The following GRID1 variants were observed in gnomAD, a reference collection of about 807,000 sequenced individuals.
GRID1 encodes the protein glutamate ionotropic receptor delta type subunit 1.
In GRID1, 28 loss-of-function variants were observed where a neutral mutation model predicts 98.0. The ratio of observed to expected loss-of-function variants is 0.29; its 90% CI spans 0.21 to 0.39. The LOEUF (loss-of-function observed/expected upper bound fraction) is 0.39. Ranked by LOEUF, GRID1 falls within the 10% of genes least tolerant of loss-of-function variation. The pLI is 1.00. For synonymous variants in GRID1, 553 were observed against 538.5 expected, an observed-to-expected ratio of 1.03 and a Z score of -0.37; for missense variants, 1,111 against 1,340.5, an observed-to-expected ratio of 0.83 and a Z score of 2.67.
intron 3 of GRID1, among the ~76,000 whole-genome samples, chr10:86,145,545 C>A (rs1038985061): frequency 6.7e-6 from 1 of 148,266 alleles, no homozygotes; most frequent in Non-Finnish European, 1.5e-5. Flanking sequence ...ACATCCTCCA[C>A]ATACACACAC....
chr10:86,124,911 G>A (rs1055001442), intron 4 of GRID1, among the ~76,000 whole-genome samples: 3 of 152,216 alleles, frequency 2.0e-5, no homozygotes, highest in Non-Finnish European at 4.4e-5. Context: ...GGGGAACTGG[G>A]CAGTTCCCTC....
intron 12 of GRID1, among the ~76,000 whole-genome samples, chr10:85,652,615 T>C (rs988064626): frequency 8.5e-5 from 13 of 152,172 alleles, no homozygotes; most frequent in African/African-American, 3.1e-4. Context: ...ATTTTCTATC[T>C]CATGTTTGGC....
At chr10:85,987,286 C>T (rs1008307900) in intron 4 of GRID1, among the ~76,000 whole-genome samples, 3 of 150,738 alleles carry the variant, frequency 2.0e-5, no homozygotes, top group African/African-American at 7.3e-5. Context: ...TCACAAGAGG[C>T]CTTACCTCCC....
rs912021708 is a variant in GRID1 at position 85,791,326 on chromosome 10, C to T, written c.1234-61712G>A. On this transcript the variant is annotated intron_variant, in intron 8 of 15. Transcript: ENST00000327946. ...AGGACCTGAAGGCAGAGGCCAAAAC[C>T]CTGACTGGCGCAATGCAGATCTTAG... Among the ~76,000 whole-genome samples, 71 of 152,352 alleles carry T rather than the reference C, an allele frequency of 4.7e-4. 1 individual carries two copies. The highest frequency in any genetic ancestry group is 1.6e-3 in the African/African-American group (67 of 41,586).
intron 8 of GRID1, among the ~76,000 whole-genome samples, chr10:85,817,133 T>C (rs1436741598): frequency 6.6e-6 from 1 of 152,226 alleles, no homozygotes; most frequent in African/African-American, 2.4e-5. Flanking sequence ...TTCCATGTCT[T>C]TGCTATTTTG....
At chr10:86,349,167 C>T (rs965289378) in intron 2 of GRID1, among the ~76,000 whole-genome samples, 6 of 152,220 alleles carry the variant, frequency 3.9e-5, no homozygotes, top group African/African-American at 1.2e-4. Context: ...CTCCCCTTCC[C>T]GGCCAGGGAC....
At chr10:85,758,290 C>T (rs183725563) in intron 8 of GRID1, among the ~76,000 whole-genome samples, 168 of 152,286 alleles carry the variant, frequency 1.1e-3, no homozygotes, top group African/African-American at 3.5e-3. Flanking sequence ...TTTATTTGCT[C>T]ACTCTTTTGC....
chr10:85,783,519 C>T (rs1053804291), intron 8 of GRID1, among the ~76,000 whole-genome samples: 1 of 152,170 alleles, frequency 6.6e-6, no homozygotes, highest in Non-Finnish European at 1.5e-5. Context: ...CCCAGAAACC[C>T]ACTGAATATA....
intron 4 of GRID1, among the ~76,000 whole-genome samples, chr10:85,965,507 A>G (rs971156508): frequency 6.6e-6 from 1 of 152,172 alleles, no homozygotes; most frequent in African/African-American, 2.4e-5. Context: ...GACACTGGAA[A>G]CCATCATTCT....
At chr10:85,828,025 C>T (rs1486834444) in intron 8 of GRID1, among the ~76,000 whole-genome samples, 1 of 152,058 alleles carries the variant, frequency 6.6e-6, no homozygotes, top group Non-Finnish European at 1.5e-5. Context: ...AAATTGACTA[C>T]ACAATCAGCT....
intron 4 of GRID1, among the ~76,000 whole-genome samples, chr10:86,109,604 C>T (rs554398294): frequency 1.2e-3 from 178 of 152,344 alleles, no homozygotes; most frequent in African/African-American, 3.9e-3. Context: ...TGCCATTGGA[C>T]ATAGCATGAT....
chr10:85,734,183 G>A (rs1448197212), intron 8 of GRID1, among the ~76,000 whole-genome samples: 1 of 152,050 alleles, frequency 6.6e-6, no homozygotes, highest in Non-Finnish European at 1.5e-5. Flanking sequence ...TGGCTAGTTT[G>A]GCCAGCACAG....
At chr10:86,130,922 C>T (rs1844825766) in intron 4 of GRID1, among the ~76,000 whole-genome samples, 2 of 152,182 alleles carry the variant, frequency 1.3e-5, no homozygotes, top group South Asian at 2.1e-4. Flanking sequence ...AGTTCCTGCA[C>T]CTGCCCGTCT....
intron 4 of GRID1, among the ~76,000 whole-genome samples, chr10:86,083,542 A>ACTTCCCCAT (rs1198965911): frequency 2.0e-5 from 3 of 152,234 alleles, no homozygotes; most frequent in Non-Finnish European, 4.4e-5. Flanking sequence ...CGGACATTGC[A>ACTTCCCCAT]CGAAGCGATG....
At chr10:85,801,880 C>T (rs1288559605) in intron 8 of GRID1, among the ~76,000 whole-genome samples, 1 of 151,532 alleles carries the variant, frequency 6.6e-6, no homozygotes, top group Non-Finnish European at 1.5e-5. Flanking sequence ...ATATATAAAA[C>T]AAACAAAAAT....
chr10:85,894,234 G>T (rs1841248323), intron 5 of GRID1, among the ~76,000 whole-genome samples: 1 of 152,084 alleles, frequency 6.6e-6, no homozygotes, highest in Admixed American at 6.6e-5. Context: ...TCAATGGCTG[G>T]TGCTGGAAAA....
intron 8 of GRID1, among the ~76,000 whole-genome samples, chr10:85,835,326 T>C (rs1842903234): frequency 6.6e-6 from 1 of 152,214 alleles, no homozygotes; most frequent in South Asian, 2.1e-4. Flanking sequence ...GGTTTGGCTG[T>C]GTCCCCACCC....
At chr10:86,235,568 C>T (rs1364966510) in intron 2 of GRID1, among the ~76,000 whole-genome samples, 2 of 152,230 alleles carry the variant, frequency 1.3e-5, no homozygotes, top group African/African-American at 4.8e-5. Context: ...CCCCCAGCTA[C>T]AGCCAGCTAC....
At chr10:86,199,753 T>C (rs931737421) in intron 3 of GRID1, among the ~76,000 whole-genome samples, 7 of 152,164 alleles carry the variant, frequency 4.6e-5, no homozygotes, top group African/African-American at 1.7e-4. Flanking sequence ...ACTCTGGGAC[T>C]GTGGTTTGTC....
Sources: gnomAD v4.1 joint callset for allele counts (sites outside exome capture counted in the v4.1 genomes callset) on GRCh38, gnomAD v4.1.1 for gene constraint, MANE v1.5 for transcripts, NCBI Gene and HGNC (gene_info 2026-07-23, HGNC 2026-07-21) for gene names.